PRKG1: variants seen among roughly 807,000 people sequenced by gnomAD.
PRKG1 encodes the protein cGMP-dependent protein kinase 1.
PRKG1 carries 35 observed loss-of-function variants against 88.1 expected under a neutral mutation model. That is an observed-to-expected ratio of 0.40 (90% CI 0.30 to 0.53). PRKG1 has a LOEUF of 0.53. Among genes scored for constraint, PRKG1 ranks in the 20% least tolerant of loss-of-function variants. The pLI, the probability that PRKG1 is intolerant of heterozygous loss-of-function variation, is 0.59. For synonymous variants in PRKG1, 303 were observed against 292.5 expected, an observed-to-expected ratio of 1.04 and a Z score of -0.37; for missense variants, 540 against 839.8, an observed-to-expected ratio of 0.64 and a Z score of 4.41.
intron 5 of PRKG1, among the ~76,000 whole-genome samples, chr10:51,924,181 C>T (rs891208245): frequency 6.6e-5 from 10 of 151,960 alleles, no homozygotes; most frequent in Admixed American, 5.9e-4. Flanking sequence ...TATCATTTTC[C>T]ATTTCTCTGA....
chr10:52,244,445 T>C (rs1024119481), intron 9 of PRKG1, among the ~76,000 whole-genome samples: 15 of 151,874 alleles, frequency 9.9e-5, no homozygotes, highest in African/African-American at 3.6e-4. Flanking sequence ...TTTATTTTAG[T>C]GTCTAAGCTT....
chr10:51,833,558 T>C (rs1017228442), intron 4 of PRKG1, among the ~76,000 whole-genome samples: 2 of 152,232 alleles, frequency 1.3e-5, no homozygotes, highest in African/African-American at 4.8e-5. Context: ...TATTTATTTT[T>C]ATTTTTAATT....
chr10:51,512,174 A>AGT (rs1375160777), intron 3 of PRKG1, among the ~76,000 whole-genome samples: 2 of 72,010 alleles, frequency 2.8e-5, no homozygotes, highest in African/African-American at 1.3e-4. Context: ...CATTCTAATT[A>AGT]ATTTTTTTTT....
rs1487309461 is a variant in PRKG1, at chr10:51,153,312, C to G, written c.460C>G (p.Leu154Val). Residue 154 changes from leucine (L) to valine (V), a missense_variant, in exon 2 of 18, where the codon CTG (leucine) becomes GTG (valine). Transcript: ENST00000373980. The stretch of plus-strand genomic sequence containing the variant: ...CATCAAAGAAGGAGACGTGGGGTCA[C>G]TGGTGTATGTCATGGAAGGTACGGT... ...CIIKEGDVGS[L>V]VYVMEDGKVE... 1 of 1,610,016 alleles carries G rather than the reference C, an allele frequency of 6.2e-7. No individual in the cohort carries two copies. The highest frequency in any genetic ancestry group is 8.5e-7 in the Non-Finnish European group (1 of 1,177,714).
At chr10:51,576,357 C>T (rs1042808442) in intron 3 of PRKG1, among the ~76,000 whole-genome samples, 1 of 151,810 alleles carries the variant, frequency 6.6e-6, no homozygotes, top group African/African-American at 2.4e-5. Flanking sequence ...TGTACACTAC[C>T]TTTTGTTCAA....
chr10:51,420,864 G>A (rs892481718), intron 2 of PRKG1, among the ~76,000 whole-genome samples: 1 of 152,150 alleles, frequency 6.6e-6, no homozygotes, highest in African/African-American at 2.4e-5. Flanking sequence ...GCAGGAGCGG[G>A]CACTTCACAT....
intron 3 of PRKG1, among the ~76,000 whole-genome samples, chr10:51,765,767 A>G (rs1349987186): frequency 7.0e-6 from 1 of 143,620 alleles, no homozygotes; most frequent in Non-Finnish European, 1.5e-5. Context: ...CTGCCTGTCC[A>G]TATCATTCAA....
intron 4 of PRKG1, among the ~76,000 whole-genome samples, chr10:51,860,990 T>C (rs1409358609): frequency 2.6e-5 from 4 of 152,222 alleles, no homozygotes; most frequent in Non-Finnish European, 1.5e-5. Context: ...AATTCATTCA[T>C]GTATCACACA....
At chr10:51,947,310 G>A (rs193090553) in intron 5 of PRKG1, among the ~76,000 whole-genome samples, 50 of 152,208 alleles carry the variant, frequency 3.3e-4, no homozygotes, top group Non-Finnish European at 4.1e-4. Context: ...TTTTAAGCTC[G>A]TCAGAAAAGC....
intron 7 of PRKG1, among the ~76,000 whole-genome samples, chr10:52,131,850 G>T (rs562081909): frequency 1.7e-5 from 2 of 118,352 alleles, no homozygotes; most frequent in Admixed American, 8.7e-5. Flanking sequence ...AAAAAAAGAG[G>T]CCAGTTTGGC....
At chr10:51,787,884 G>A (rs1838767740) in intron 3 of PRKG1, among the ~76,000 whole-genome samples, 1 of 152,192 alleles carries the variant, frequency 6.6e-6, no homozygotes, top group South Asian at 2.1e-4. Flanking sequence ...AGGCAGGCAT[G>A]AGGAGATGAC....
At chr10:51,523,132 C>A (rs1841780975) in intron 3 of PRKG1, among the ~76,000 whole-genome samples, 1 of 151,968 alleles carries the variant, frequency 6.6e-6, no homozygotes, top group Non-Finnish European at 1.5e-5. Flanking sequence ...ATGGCAGTTG[C>A]TTAGATGTCT....
chr10:51,713,969 T>A (rs1333636476), intron 3 of PRKG1, among the ~76,000 whole-genome samples: 2 of 152,110 alleles, frequency 1.3e-5, no homozygotes, highest in African/African-American at 4.8e-5. Context: ...TTATTTATTT[T>A]TTATTTTTAT....
chr10:51,814,320 A>G (rs549156970), intron 4 of PRKG1, among the ~76,000 whole-genome samples: 1 of 152,342 alleles, frequency 6.6e-6, no homozygotes, highest in East Asian at 1.9e-4. Flanking sequence ...AGAGATCACA[A>G]TTCTGGGAAA....
chr10:52,275,340 T>A (rs1841847364), intron 12 of PRKG1, among the ~76,000 whole-genome samples: 1 of 152,216 alleles, frequency 6.6e-6, no homozygotes, highest in Non-Finnish European at 1.5e-5. Context: ...CCTTAATCCA[T>A]CTTGTGTTGA....
chr10:51,035,423 C>G lies in PRKG1; in HGVS notation c.266+43779C>G, dbSNP rs1843340570. ...TGTTGGTCATAAGAAACAAAGGCAG[C>G]ATTAAATTGTCTTGTGGTCTCGGTT... is the stretch of plus-strand genomic sequence containing the variant. On this transcript the variant is annotated intron_variant, in intron 1 of 17. Coordinates refer to the PRKG1 transcript ENST00000401604. Among the ~76,000 whole-genome samples the G allele has an allele frequency of 2.0e-5, 3 of 152,060 alleles. No homozygotes were observed. The South Asian group carries it at 6.2e-4, about 32-fold the overall frequency.
At chr10:51,098,886 C>T (rs1328702733) in intron 1 of PRKG1, among the ~76,000 whole-genome samples, 1 of 152,104 alleles carries the variant, frequency 6.6e-6, no homozygotes, top group Non-Finnish European at 1.5e-5. Flanking sequence ...GATGGTTTTT[C>T]AGACATCAAG....
intron 5 of PRKG1, among the ~76,000 whole-genome samples, chr10:52,001,157 T>C (rs976113470): frequency 1.3e-5 from 2 of 152,048 alleles, no homozygotes; most frequent in East Asian, 3.8e-4. Flanking sequence ...GGTTCAACCA[T>C]GTTTTTACAA....
chr10:51,936,634 G>A (rs1344133473), intron 5 of PRKG1, among the ~76,000 whole-genome samples: 1 of 151,890 alleles, frequency 6.6e-6, no homozygotes, highest in East Asian at 1.9e-4. Flanking sequence ...TCATGCTGGG[G>A]GTAGAGAGTA....
Sources: allele counts gnomAD v4.1 joint callset (sites outside exome capture counted in the v4.1 genomes callset), GRCh38; gene constraint gnomAD v4.1.1; transcripts MANE v1.5; gene names NCBI Gene and HGNC (gene_info 2026-07-23, HGNC 2026-07-21).